YPEL2: variants seen among roughly 807,000 people sequenced by gnomAD.
YPEL2 encodes the protein protein yippee-like 2.
In YPEL2, 2 loss-of-function variants were observed where a neutral mutation model predicts 19.1. That is an observed-to-expected ratio of 0.10 (90% CI 0.04 to 0.33). The LOEUF is 0.33. Ranked by LOEUF, YPEL2 falls within the 10% of genes least tolerant of loss-of-function variation. The pLI, the probability that YPEL2 is intolerant of heterozygous loss-of-function variation, is 1.00. For synonymous variants in YPEL2, 52 were observed against 50.0 expected (o/e 1.04, Z -0.17); for missense variants, 66 against 140.7 (o/e 0.47, Z 2.68).
intron 1 of YPEL2, among the ~76,000 whole-genome samples, chr17:59,352,128 T>TC (rs1432548122): frequency 1.3e-5 from 2 of 152,194 alleles, no homozygotes; most frequent in Non-Finnish European, 2.9e-5. Flanking sequence ...TTGTCTTCCT[T>TC]CCCCATCTCC....
At chr17:59,335,488 G>C (rs977282339) in intron 1 of YPEL2, among the ~76,000 whole-genome samples, 1 of 151,728 alleles carries the variant, frequency 6.6e-6, no homozygotes, top group African/African-American at 2.4e-5. Flanking sequence ...TCTGAAACAT[G>C]CCATACTTAG....
chr17:59,380,974 G>A (rs113984125), intron 2 of YPEL2, among the ~76,000 whole-genome samples: 189 of 152,340 alleles, frequency 1.2e-3, no homozygotes, highest in African/African-American at 3.0e-3. Flanking sequence ...GAACCAAGTA[G>A]GTTAGAGTCA....
chr17:59,390,082 C>T (rs993024124), intron 4 of YPEL2, among the ~76,000 whole-genome samples: 1 of 152,120 alleles, frequency 6.6e-6, no homozygotes, highest in Non-Finnish European at 1.5e-5. Flanking sequence ...CTCACCACAA[C>T]CTCTGTCTCC....
At chr17:59,356,948 G>A (rs60163728) in intron 2 of YPEL2, among the ~76,000 whole-genome samples, 2,093 of 152,274 alleles carry the variant, frequency 0.014, 39 homozygotes, top group African/African-American at 0.048. Flanking sequence ...TGGGGTGAAC[G>A]TTTCAATCTA....
chr17:59,372,555 G>A (rs955890707), intron 2 of YPEL2, among the ~76,000 whole-genome samples: 2 of 152,226 alleles, frequency 1.3e-5, no homozygotes, highest in Non-Finnish European at 2.9e-5. Context: ...AAACTAACAA[G>A]TTCTGCTTTC....
chr17:59,359,657 CAT>C (rs1473101924), intron 2 of YPEL2, among the ~76,000 whole-genome samples: 1 of 152,108 alleles, frequency 6.6e-6, no homozygotes, highest in Non-Finnish European at 1.5e-5. Context: ...GGATATATGA[CAT>C]AATGATTTTT....
At chr17:59,395,431 T>C (rs2048033859) in intron 4 of YPEL2, among the ~76,000 whole-genome samples, 1 of 152,192 alleles carries the variant, frequency 6.6e-6, no homozygotes, top group Non-Finnish European at 1.5e-5. Flanking sequence ...CTTGTGCATA[T>C]GGAGCTGAGA....
intron 2 of YPEL2, chr17:59,362,587 G>A (rs1215661285): frequency 6.6e-6 from 1 of 152,306 alleles, no homozygotes; most frequent in Non-Finnish European, 1.5e-5. Flanking sequence ...TGACTTGAGC[G>A]ATGAGGCGTA....
chr17:59,351,406 T>C (rs2047787027), intron 1 of YPEL2, among the ~76,000 whole-genome samples: 1 of 151,634 alleles, frequency 6.6e-6, no homozygotes, highest in African/African-American at 2.4e-5. Context: ...AGGTTGAGGG[T>C]ATTTCAGGAA....
intron 2 of YPEL2, among the ~76,000 whole-genome samples, chr17:59,387,653 C>T (rs2047987516): frequency 6.6e-6 from 1 of 152,100 alleles, no homozygotes; most frequent in South Asian, 2.1e-4. Flanking sequence ...GCCCTCCAGC[C>T]AAAAGAAAGA....
At chr17:59,338,661 C>A (rs1437395189) in intron 1 of YPEL2, among the ~76,000 whole-genome samples, 1 of 151,976 alleles carries the variant, frequency 6.6e-6, no homozygotes, top group Non-Finnish European at 1.5e-5. Context: ...GGATGTAGTT[C>A]TCAGCTACCA....
intron 1 of YPEL2, among the ~76,000 whole-genome samples, chr17:59,348,570 T>C (rs1323394815): frequency 6.6e-6 from 1 of 152,248 alleles, no homozygotes; most frequent in African/African-American, 2.4e-5. Flanking sequence ...GATCTTTGTT[T>C]TTAATCATAA....
intron 1 of YPEL2, among the ~76,000 whole-genome samples, chr17:59,347,259 A>C (rs1308036777): frequency 6.6e-6 from 1 of 152,166 alleles, no homozygotes; most frequent in Non-Finnish European, 1.5e-5. Flanking sequence ...CAGCTAGTAA[A>C]TGACAGAGCT....
intron 1 of YPEL2, among the ~76,000 whole-genome samples, chr17:59,343,574 A>G: frequency 6.6e-6 from 1 of 151,304 alleles, no homozygotes; most frequent in East Asian, 1.9e-4. Context: ...CCCTTAACGA[A>G]TAAGGTAGGC....
At chr17:59,380,005 C>T (rs1041868690) in intron 2 of YPEL2, among the ~76,000 whole-genome samples, 1 of 151,938 alleles carries the variant, frequency 6.6e-6, no homozygotes, top group Admixed American at 6.6e-5. Flanking sequence ...GGATTACAGG[C>T]ATGCATCACC....
intron 2 of YPEL2, among the ~76,000 whole-genome samples, chr17:59,376,105 T>C (rs2147950580): frequency 6.6e-6 from 1 of 152,350 alleles, no homozygotes. Context: ...CTGTTTAGGC[T>C]CCCTTCTTTT....
intron 2 of YPEL2, among the ~76,000 whole-genome samples, chr17:59,358,511 C>G (rs1042805743): frequency 6.6e-6 from 1 of 151,680 alleles, no homozygotes; most frequent in Non-Finnish European, 1.5e-5. Flanking sequence ...AAGGAAGTAC[C>G]GAGATCTGAC....
At position 59,398,603 on chromosome 17, in the gene YPEL2, C is replaced by G. The variant is rs1313279147; in HGVS notation, c.*1413C>G. On this transcript the variant is annotated 3_prime_UTR_variant, in exon 5 of 5. Coordinates refer to ENST00000312655, the MANE Select transcript of YPEL2 (RefSeq NM_001005404.4). ...CCATAAGAGAAAGAGGAGTTTGTTACATTTAATCAACACTGTGAAGTCTGT... is the reference window on the plus strand; with the variant it reads ...CCATAAGAGAAAGAGGAGTTTGTTAGATTTAATCAACACTGTGAAGTCTGT... The G allele has an allele frequency of 2.0e-5, 3 of 152,170 alleles. No individual in the cohort carries two copies. The highest frequency in any genetic ancestry group is 2.9e-5 in the Non-Finnish European group (2 of 68,036). 9.4% of individuals were successfully genotyped at this position (152,170 alleles called of 1,614,324 possible).
chr17:59,375,958 C>G (rs1438430284), intron 2 of YPEL2, among the ~76,000 whole-genome samples: 2 of 152,208 alleles, frequency 1.3e-5, no homozygotes, highest in Non-Finnish European at 2.9e-5. Flanking sequence ...CCTTGACTTA[C>G]AAGCTGTGTG....
Sources: allele counts gnomAD v4.1 joint callset (sites outside exome capture counted in the v4.1 genomes callset), GRCh38; gene constraint gnomAD v4.1.1; transcripts MANE v1.5; gene names NCBI Gene and HGNC (gene_info 2026-07-23, HGNC 2026-07-21).